GRK5: variants seen among roughly 807,000 people sequenced by gnomAD.
GRK5 encodes g protein-coupled receptor kinase GRK5.
A neutral mutation model predicts 78.4 loss-of-function variants in GRK5; 40 were observed. That is an observed-to-expected ratio of 0.51 (90% CI 0.40 to 0.66). The LOEUF is 0.66. Ranked by LOEUF, GRK5 falls within the 30% of genes least tolerant of loss-of-function variation. GRK5 has a pLI of 0.00. For synonymous variants in GRK5, 289 were observed against 296.8 expected (o/e 0.97, Z 0.27); for missense variants, 598 against 759.9 (o/e 0.79, Z 2.50).
intron 1 of GRK5, among the ~76,000 whole-genome samples, chr10:119,248,092 G>C (rs1849142217): frequency 1.3e-5 from 2 of 152,130 alleles, no homozygotes; most frequent in Admixed American, 6.6e-5. Context: ...GCTCACTGCA[G>C]CCTCAACCTC....
intron 1 of GRK5, among the ~76,000 whole-genome samples, chr10:119,245,957 C>T (rs537414982): frequency 7.2e-5 from 10 of 138,940 alleles, no homozygotes; most frequent in East Asian, 4.2e-4. Context: ...GAGGCAGAGC[C>T]TGCAGTGAGC....
chr10:119,387,369 C>T (rs767634626), intron 3 of GRK5, among the ~76,000 whole-genome samples: 14 of 152,130 alleles, frequency 9.2e-5, no homozygotes, highest in East Asian at 5.8e-4. Flanking sequence ...TTTTTAATGA[C>T]GGCCCAGGTG....
chr10:119,230,225 C>T (rs1043386225), intron 1 of GRK5, among the ~76,000 whole-genome samples: 2 of 152,080 alleles, frequency 1.3e-5, no homozygotes, highest in Non-Finnish European at 2.9e-5. Flanking sequence ...GTAGCTCACG[C>T]CTGTAATCCT....
intron 1 of GRK5, among the ~76,000 whole-genome samples, chr10:119,270,357 G>A (rs1032821438): frequency 2.0e-4 from 30 of 152,218 alleles, no homozygotes; most frequent in African/African-American, 7.2e-4. Flanking sequence ...TACTGAACAT[G>A]TACAAACATT....
intron 4 of GRK5, among the ~76,000 whole-genome samples, chr10:119,406,640 A>C (rs1483383149): frequency 6.6e-6 from 1 of 152,216 alleles, no homozygotes. Context: ...CCTTCACTTG[A>C]GCAGAGGGTC....
chr10:119,276,332 T>C (rs1418357683), intron 1 of GRK5, among the ~76,000 whole-genome samples: 1 of 151,946 alleles, frequency 6.6e-6, no homozygotes, highest in Non-Finnish European at 1.5e-5. Flanking sequence ...TTCCCACCTA[T>C]GAATGAGAAC....
At chr10:119,288,537 C>T (rs979669699) in intron 1 of GRK5, among the ~76,000 whole-genome samples, 4 of 152,196 alleles carry the variant, frequency 2.6e-5, no homozygotes, top group African/African-American at 9.7e-5. Context: ...AGCTGAGGGA[C>T]CATCCCGTGT....
At chr10:119,212,366 C>T (rs1848501506) in intron 1 of GRK5, among the ~76,000 whole-genome samples, 1 of 152,178 alleles carries the variant, frequency 6.6e-6, no homozygotes, top group Admixed American at 6.5e-5. Context: ...ATTCTAAACT[C>T]CAAAGTGCTT....
intron 2 of GRK5, among the ~76,000 whole-genome samples, chr10:119,364,427 T>A (rs975004009): frequency 1.3e-5 from 2 of 152,190 alleles, no homozygotes; most frequent in Non-Finnish European, 2.9e-5. Flanking sequence ...GAAGCCACCT[T>A]TGGGAGGAAC....
chr10:119,287,598 T>C (rs1397845334), intron 1 of GRK5, among the ~76,000 whole-genome samples: 2 of 152,194 alleles, frequency 1.3e-5, no homozygotes, highest in Non-Finnish European at 2.9e-5. Flanking sequence ...TCTTTTCTCT[T>C]CTTTTTTTTC....
At chr10:119,418,185 A>G (rs551971414) in intron 4 of GRK5, among the ~76,000 whole-genome samples, 6 of 151,220 alleles carry the variant, frequency 4.0e-5, no homozygotes, top group Non-Finnish European at 5.9e-5. Context: ...CCATCCCAAG[A>G]GAGAGGCAGG....
At position 119,452,175 on chromosome 10, in the gene GRK5, TCGC is replaced by T. The variant is rs1853300606; in HGVS notation, c.1405-494_1405-492del. Among the ~76,000 whole-genome samples the T allele has an allele frequency of 6.6e-6, 1 of 152,154 alleles. No homozygotes were observed. Among genetic ancestry groups the T allele is most frequent in the Non-Finnish European group, 1.5e-5 (1 of 68,012 alleles). ...GTGGCCAGCACTGACAGCAGCCCCA[TCGC>T]CCAGGTGCCTCGTTGTCCCCATTTT... On this transcript the variant is annotated intron_variant, in intron 13 of 15. Transcript: ENST00000392870. This position sits in a 1 kb window ranked among gnomAD's most constrained non-coding sequence, Gnocchi z 4.4.
intron 1 of GRK5, among the ~76,000 whole-genome samples, chr10:119,256,284 C>A (rs1045630129): frequency 1.3e-5 from 2 of 152,140 alleles, no homozygotes; most frequent in African/African-American, 4.8e-5. Flanking sequence ...CGGACCCCCC[C>A]ACACACCTCA....
chr10:119,329,061 G>A (rs1259398663), intron 2 of GRK5, among the ~76,000 whole-genome samples: 1 of 152,208 alleles, frequency 6.6e-6, no homozygotes, highest in Non-Finnish European at 1.5e-5. Context: ...TTAGTTGGAT[G>A]AACGAGGGAA....
chr10:119,453,071 C>A, intron 14 of GRK5, 74 bp from the exon 15 acceptor site: 1 of 987,482 alleles, frequency 1.0e-6, no homozygotes, highest in Non-Finnish European at 1.6e-6. Flanking sequence ...GGGAGGGAGC[C>A]CCAGTGGCTT....
At chr10:119,398,973 C>T (rs997318186) in intron 4 of GRK5, among the ~76,000 whole-genome samples, 3 of 149,446 alleles carry the variant, frequency 2.0e-5, no homozygotes, top group African/African-American at 7.3e-5. Context: ...CTGGGGCAGC[C>T]ACTGAGGGCT....
In GRK5 at chr10:119,380,893, G is replaced by A. The variant is rs35412666; in HGVS notation, c.227G>A (p.Gly76Glu). The change falls in exon 3 of 16, where the codon GGG becomes GAG. Residue 76 changes from glycine (G) to glutamate (E), a missense_variant. Coordinates refer to ENST00000392870, the MANE Select transcript of GRK5 (RefSeq NM_005308.3). ...CGGCAGTTTTGTGAAACCAGGCCTG[G>A]GCTGGAGTGTTACATTCAGTTCCTG... The part of the protein sequence containing the change: ...LFRQFCETRP[G>E]LECYIQFLDS... 6.2e-7 allele frequency: 1 copy of A among 1,613,204 alleles called. No homozygotes were observed. Among genetic ancestry groups the A allele is most frequent in the Non-Finnish European group, 8.5e-7 (1 of 1,179,250 alleles).
chr10:119,338,235 C>G (rs1354123336), intron 2 of GRK5, among the ~76,000 whole-genome samples: 3 of 152,186 alleles, frequency 2.0e-5, no homozygotes, highest in Non-Finnish European at 2.9e-5. Flanking sequence ...CCAGGCTGCT[C>G]ACTTCCCCAG....
chr10:119,449,682 G>A (rs574138541), intron 13 of GRK5, among the ~76,000 whole-genome samples: 1 of 152,270 alleles, frequency 6.6e-6, no homozygotes, highest in East Asian at 1.9e-4. Flanking sequence ...CCAGCTACCT[G>A]GGAGGCTGAG....
Sources: gnomAD v4.1 joint callset for allele counts (sites outside exome capture counted in the v4.1 genomes callset) on GRCh38, gnomAD v4.1.1 for gene constraint, Gnocchi (gnomAD v3.1) non-coding constraint, MANE v1.5 for transcripts, NCBI Gene and HGNC (gene_info 2026-07-23, HGNC 2026-07-21) for gene names.